MIPOL1: variants seen among roughly 807,000 people sequenced by gnomAD.
The protein encoded by MIPOL1 is mirror-image polydactyly 1, also known as mirror-image polydactyly gene 1 protein.
Under a neutral mutation model 60.9 loss-of-function variants are expected in MIPOL1, and 57 were observed. The ratio of observed to expected loss-of-function variants is 0.94; its 90% CI spans 0.76 to 1.17. The LOEUF is 1.17. Among genes scored for constraint, MIPOL1 ranks in the 50% most tolerant of loss-of-function variants. MIPOL1 has a pLI of 0.00. For synonymous variants in MIPOL1, 179 were observed against 168.8 expected (o/e 1.06, Z -0.47); for missense variants, 551 against 511.6 (o/e 1.08, Z -0.74).
intron 12 of MIPOL1, among the ~76,000 whole-genome samples, chr14:37,500,756 G>C (rs553779883): frequency 1.3e-4 from 20 of 152,280 alleles, no homozygotes; most frequent in African/African-American, 4.3e-4. Flanking sequence ...GAAGTCACTT[G>C]TTAATTTAAT....
chr14:37,496,145 G>A lies in MIPOL1; in HGVS notation c.1032-3763G>A, dbSNP rs182093997. On this transcript the variant is annotated intron_variant, in intron 11 of 12. Coordinates refer to ENST00000684589, the MANE Select transcript of MIPOL1 (RefSeq NM_001388067.1). Reference sequence around the variant, plus strand: ...CTCTTTAATTAGGTATTGTTGGGACGTATTTCAAAATAATAAGAGCTATCT... The same window carrying A: ...CTCTTTAATTAGGTATTGTTGGGACATATTTCAAAATAATAAGAGCTATCT... Among the ~76,000 whole-genome samples, 1,050 of 151,728 alleles carry A rather than the reference G, an allele frequency of 6.9e-3. 12 individuals carry two copies. The highest frequency in any genetic ancestry group is 0.024 in the African/African-American group (1,007 of 41,358).
At position 37,512,131 on chromosome 14, in the gene MIPOL1, G is replaced by C. The variant is rs183689721; in HGVS notation, c.1262+11993G>C. ...GTTGTAGATTGTCTTTTGAAATATA[G>C]GGCACCCTATATCTTTTGAGCACTA... On this transcript the variant is annotated intron_variant, in intron 12 of 12. Coordinates refer to ENST00000684589, the MANE Select transcript of MIPOL1 (RefSeq NM_001388067.1). Among the ~76,000 whole-genome samples, 9 of 150,404 alleles carry C rather than the reference G, an allele frequency of 6.0e-5. No individual in the cohort carries two copies. The East Asian group carries it at 1.4e-3, about 23-fold the overall frequency.
At chr14:37,357,946 C>T (rs920979716) in intron 9 of MIPOL1, among the ~76,000 whole-genome samples, 3 of 152,002 alleles carry the variant, frequency 2.0e-5, no homozygotes, top group East Asian at 1.9e-4. Flanking sequence ...CCCATCAACT[C>T]GTCATTTATG....
rs59301708 is a variant in MIPOL1, at chr14:37,282,747, C to CAAAA, written c.494-2551_494-2548dup. 3.2e-3 allele frequency among the ~76,000 whole-genome samples: 217 copies of CAAAA among 66,932 alleles called. 3 individuals are homozygous for CAAAA. Among genetic ancestry groups the CAAAA allele is most frequent in the Middle Eastern group, 0.026 (2 of 76 alleles). 43.9% of individuals were successfully genotyped at this position (66,932 alleles called of 152,430 possible). On this transcript the variant is annotated intron_variant, in intron 6 of 12. Coordinates refer to ENST00000684589, the MANE Select transcript of MIPOL1 (RefSeq NM_001388067.1). The stretch of plus-strand genomic sequence containing the variant: ...TGGATGACAGAGCAAGACCCTGTCT[C>CAAAA]AAAAAAAAAAAAAAAAAAAAAAAGA...
chr14:37,542,994 T>TC (rs1236369553), intron 12 of MIPOL1, among the ~76,000 whole-genome samples: 1 of 151,990 alleles, frequency 6.6e-6, no homozygotes, highest in African/African-American at 2.4e-5. Context: ...ACACACATAT[T>TC]CCCCCCACAC....
intron 11 of MIPOL1, among the ~76,000 whole-genome samples, chr14:37,448,813 G>T (rs1181686937): frequency 6.6e-6 from 1 of 152,072 alleles, no homozygotes; most frequent in Non-Finnish European, 1.5e-5. Flanking sequence ...CTCAAATTTC[G>T]AAATCAGTAC....
At chr14:37,464,188 A>G (rs1429160426) in intron 11 of MIPOL1, among the ~76,000 whole-genome samples, 1 of 152,202 alleles carries the variant, frequency 6.6e-6, no homozygotes, top group Non-Finnish European at 1.5e-5. Flanking sequence ...TCTATGGAAA[A>G]CAGTATGGAG....
intron 5 of MIPOL1, among the ~76,000 whole-genome samples, chr14:37,269,291 C>T (rs2083107685): frequency 6.6e-6 from 1 of 151,950 alleles, no homozygotes; most frequent in South Asian, 2.1e-4. Flanking sequence ...CAATTTGTCA[C>T]GTTATGTTTT....
intron 11 of MIPOL1, among the ~76,000 whole-genome samples, chr14:37,426,986 C>T (rs2093978920): frequency 6.6e-6 from 1 of 152,004 alleles, no homozygotes. Context: ...TTGATGCAGT[C>T]ACTGTGGCAG....
intron 9 of MIPOL1, among the ~76,000 whole-genome samples, chr14:37,320,527 T>C (rs1306016272): frequency 2.0e-5 from 3 of 152,096 alleles, no homozygotes; most frequent in Non-Finnish European, 4.4e-5. Context: ...ATGTAATTTA[T>C]ATATATTTAT....
At chr14:37,331,745 C>A (rs748086440) in intron 9 of MIPOL1, among the ~76,000 whole-genome samples, 1 of 151,928 alleles carries the variant, frequency 6.6e-6, no homozygotes, top group Admixed American at 6.6e-5. Flanking sequence ...CTTTCCAGTT[C>A]GAGTATGCTT....
At chr14:37,537,916 TCTG>T (rs1413514129) in intron 12 of MIPOL1, among the ~76,000 whole-genome samples, 1 of 152,222 alleles carries the variant, frequency 6.6e-6, no homozygotes, top group Non-Finnish European at 1.5e-5. Flanking sequence ...TCTAGAAACT[TCTG>T]CTTCTGTGTC....
At chr14:37,513,307 T>C (rs922057906) in intron 12 of MIPOL1, among the ~76,000 whole-genome samples, 3 of 152,080 alleles carry the variant, frequency 2.0e-5, no homozygotes, top group Non-Finnish European at 4.4e-5. Context: ...GCTTGTAGAG[T>C]GGATCACCTT....
intron 1 of MIPOL1, among the ~76,000 whole-genome samples, chr14:37,216,827 A>G (rs1967800235): frequency 6.6e-6 from 1 of 152,226 alleles, no homozygotes; most frequent in South Asian, 2.1e-4. Context: ...CCTACATTAA[A>G]AAAGAGGAAA....
At chr14:37,415,991 G>A (rs2093762203) in intron 10 of MIPOL1, among the ~76,000 whole-genome samples, 1 of 152,108 alleles carries the variant, frequency 6.6e-6, no homozygotes, top group East Asian at 1.9e-4. Context: ...AATCTAAGTA[G>A]TTGATAATCT....
intron 12 of MIPOL1, among the ~76,000 whole-genome samples, chr14:37,533,594 A>C (rs901874463): frequency 6.6e-6 from 1 of 152,194 alleles, no homozygotes; most frequent in Non-Finnish European, 1.5e-5. Context: ...GGAGTAAAAC[A>C]CAAACACCAG....
intron 10 of MIPOL1, among the ~76,000 whole-genome samples, chr14:37,394,397 C>CT (rs1159446433): frequency 3.3e-5 from 5 of 151,900 alleles, no homozygotes; most frequent in Non-Finnish European, 7.4e-5. Context: ...GAAGTGTTCC[C>CT]TGATCACTGC....
intron 11 of MIPOL1, among the ~76,000 whole-genome samples, chr14:37,428,641 G>A: frequency 6.7e-6 from 1 of 148,632 alleles, no homozygotes; most frequent in Non-Finnish European, 1.5e-5. Flanking sequence ...TTTTAAAAAA[G>A]TGGGTTTTTT....
chr14:37,487,348 T>A (rs2094964246), intron 11 of MIPOL1, among the ~76,000 whole-genome samples: 1 of 152,226 alleles, frequency 6.6e-6, no homozygotes, highest in South Asian at 2.1e-4. Context: ...AATGCTGGCC[T>A]CATAAAATGA....
Sources: allele counts gnomAD v4.1 joint callset (sites outside exome capture counted in the v4.1 genomes callset), GRCh38; gene constraint gnomAD v4.1.1; transcripts MANE v1.5; gene names NCBI Gene and HGNC (gene_info 2026-07-23, HGNC 2026-07-21).